IPCEF1: variants seen among roughly 807,000 people sequenced by gnomAD.
IPCEF1 encodes interactor protein for cytohesin exchange factors 1.
In IPCEF1, 31 loss-of-function variants were observed where a neutral mutation model predicts 50.9. That is an observed-to-expected ratio of 0.61 (90% CI 0.46 to 0.82). The LOEUF (loss-of-function observed/expected upper bound fraction) is 0.82. Ranked by LOEUF, IPCEF1 falls within the 40% of genes least tolerant of loss-of-function variation. The pLI is 0.00. For synonymous variants in IPCEF1, 181 were observed against 192.0 expected, an observed-to-expected ratio of 0.94 and a Z score of 0.47; for missense variants, 458 against 514.0, an observed-to-expected ratio of 0.89 and a Z score of 1.05.
At chr6:154,180,414 A>ATATATATTTTTTT (rs1241250621) in intron 10 of IPCEF1, among the ~76,000 whole-genome samples, 12 of 65,254 alleles carry the variant, frequency 1.8e-4, no homozygotes, top group African/African-American at 3.8e-4. Flanking sequence ...ATATATATAT[A>ATATATATTTTTTT]TTTTTTTTTT....
intron 2 of IPCEF1, among the ~76,000 whole-genome samples, chr6:154,280,447 C>A (rs1035850297): frequency 2.6e-5 from 4 of 151,922 alleles, no homozygotes; most frequent in Admixed American, 6.6e-5. Context: ...AAATGTCCAT[C>A]AATGGGAAAA....
chr6:154,303,499 A>G (rs893976298), intron 1 of IPCEF1, among the ~76,000 whole-genome samples: 5 of 152,308 alleles, frequency 3.3e-5, no homozygotes, highest in African/African-American at 1.2e-4. Context: ...TAACGACATA[A>G]TACAGGACGG....
At chr6:154,354,788 T>C (rs868252092) in intron 1 of IPCEF1, among the ~76,000 whole-genome samples, 20 of 152,178 alleles carry the variant, frequency 1.3e-4, no homozygotes, top group African/African-American at 4.3e-4. Flanking sequence ...TGATCTTTTC[T>C]AACATTCACT....
At chr6:154,355,966 T>A (rs1784210950) in intron 1 of IPCEF1, among the ~76,000 whole-genome samples, 2 of 152,102 alleles carry the variant, frequency 1.3e-5, no homozygotes, top group Admixed American at 6.6e-5. Flanking sequence ...GGTTTCAATT[T>A]TCTACATAAA....
chr6:154,235,339 T>G (rs113009747), intron 5 of IPCEF1, among the ~76,000 whole-genome samples: 2 of 152,296 alleles, frequency 1.3e-5, no homozygotes, highest in African/African-American at 4.8e-5. Flanking sequence ...GAGACCAGCC[T>G]GGCCCACATG....
chr6:154,200,069 GAAT>G (rs757509133), intron 9 of IPCEF1, 29 bp from the exon 10 acceptor site: 1 of 1,556,024 alleles, frequency 6.4e-7, no homozygotes. Context: ...ACCAAAAAAA[GAAT>G]AAAAGACATC....
At chr6:154,321,093 G>T (rs1048909063) in intron 1 of IPCEF1, among the ~76,000 whole-genome samples, 3 of 151,718 alleles carry the variant, frequency 2.0e-5, no homozygotes, top group Admixed American at 6.6e-5. Context: ...ACCACACCAG[G>T]CTAATTTTTG....
At chr6:154,328,496 T>C (rs1160986657) in intron 1 of IPCEF1, among the ~76,000 whole-genome samples, 3 of 152,074 alleles carry the variant, frequency 2.0e-5, no homozygotes, top group Admixed American at 6.5e-5. Context: ...TCCCAGCAGT[T>C]TGGGAGGCTA....
chr6:154,269,459 CTTTG>C (rs1442375326), intron 2 of IPCEF1, among the ~76,000 whole-genome samples: 1 of 151,962 alleles, frequency 6.6e-6, no homozygotes, highest in African/African-American at 2.4e-5. Context: ...AGTTTCAGTA[CTTTG>C]TTTCTTTTTT....
intron 3 of IPCEF1, among the ~76,000 whole-genome samples, chr6:154,259,677 AAAAT>A (rs1194038489): frequency 6.6e-6 from 1 of 151,932 alleles, no homozygotes; most frequent in Non-Finnish European, 1.5e-5. Flanking sequence ...AATAAAATAA[AAAAT>A]AAATAAATAA....
chr6:154,276,321 G>A (rs1341935375), intron 2 of IPCEF1, among the ~76,000 whole-genome samples: 1 of 63,454 alleles, frequency 1.6e-5, no homozygotes, highest in African/African-American at 6.3e-5. Context: ...GAAGGAGGGA[G>A]GGAAGGAGGA....
intron 1 of IPCEF1, among the ~76,000 whole-genome samples, chr6:154,301,870 A>G (rs1322724828): frequency 6.6e-6 from 1 of 152,248 alleles, no homozygotes; most frequent in Non-Finnish European, 1.5e-5. Context: ...AAAAAATTAT[A>G]CTAAATATTT....
At chr6:154,328,445 G>T (rs112517466) in intron 1 of IPCEF1, among the ~76,000 whole-genome samples, 105 of 152,150 alleles carry the variant, frequency 6.9e-4, no homozygotes, top group African/African-American at 2.3e-3. Context: ...GCCCTAAGAA[G>T]TTCTTCAATG....
chr6:154,240,696 T>TC (rs1780509001), intron 5 of IPCEF1, among the ~76,000 whole-genome samples: 1 of 152,190 alleles, frequency 6.6e-6, no homozygotes, highest in Non-Finnish European at 1.5e-5. Context: ...GAAATATGCC[T>TC]TCCAAAGATA....
chr6:154,223,762 G>T (rs1779044092), intron 5 of IPCEF1, among the ~76,000 whole-genome samples: 1 of 152,210 alleles, frequency 6.6e-6, no homozygotes, highest in South Asian at 2.1e-4. Context: ...AAATAAAACT[G>T]CTAAGAGTCA....
chr6:154,200,133 T>C (rs1776945023), intron 9 of IPCEF1, 93 bp from the exon 10 acceptor site: 5 of 1,191,468 alleles, frequency 4.2e-6, no homozygotes, highest in Non-Finnish European at 5.8e-6. Context: ...GGTGTCCCCG[T>C]GTTATTTCAA....
intron 5 of IPCEF1, among the ~76,000 whole-genome samples, chr6:154,224,804 A>C (rs909693158): frequency 2.0e-4 from 31 of 152,234 alleles, no homozygotes; most frequent in Non-Finnish European, 7.3e-5. Context: ...GTGTGTTTAT[A>C]CAGAGTGAAT....
chr6:154,183,006 C>T (rs997820648), intron 10 of IPCEF1, among the ~76,000 whole-genome samples: 4 of 151,126 alleles, frequency 2.6e-5, no homozygotes, highest in African/African-American at 9.8e-5. Context: ...TTGAGACGGA[C>T]TCTCGCTCTG....
At chr6:154,217,619 A>G (rs751889445) in intron 7 of IPCEF1, 1 of 152,196 alleles carries the variant, frequency 6.6e-6, no homozygotes, top group Non-Finnish European at 1.5e-5. Context: ...TTTGTCTGAC[A>G]CGAATACGTT....
Sources: allele counts gnomAD v4.1 joint callset (sites outside exome capture counted in the v4.1 genomes callset), GRCh38; gene constraint gnomAD v4.1.1; transcripts MANE v1.5; gene names NCBI Gene and HGNC (gene_info 2026-07-23, HGNC 2026-07-21).